CCSER1: variants seen among roughly 807,000 people sequenced by gnomAD.
CCSER1 encodes serine-rich coiled-coil domain-containing protein 1.
In CCSER1, 41 loss-of-function variants were observed where a neutral mutation model predicts 82.0. The observed-to-expected ratio is 0.50, with a 90% confidence interval of 0.39 to 0.65. The LOEUF (loss-of-function observed/expected upper bound fraction) is 0.65, where lower values mean the gene tolerates loss of function less well. CCSER1 is among the 30% of genes least tolerant of loss of function. The pLI is 0.00. For missense variants in CCSER1, 1,119 were observed against 1,064.2 expected (o/e 1.05, Z -0.72); for synonymous variants, 414 against 383.9 (o/e 1.08, Z -0.92).
chr4:91,514,827 GTCTC>G (rs1760018257), intron 10 of CCSER1, among the ~76,000 whole-genome samples: 1 of 152,146 alleles, frequency 6.6e-6, no homozygotes, highest in Non-Finnish European at 1.5e-5. Flanking sequence ...GGACGACAAA[GTCTC>G]TCAGTTAAAA....
chr4:91,337,619 A>G (rs1196470448), intron 10 of CCSER1, among the ~76,000 whole-genome samples: 1 of 151,856 alleles, frequency 6.6e-6, no homozygotes, highest in East Asian at 1.9e-4. Context: ...CCTCTTTTGG[A>G]GTATTTCTGG....
intron 10 of CCSER1, among the ~76,000 whole-genome samples, chr4:91,430,013 A>C (rs534478079): frequency 9.7e-4 from 147 of 152,142 alleles, no homozygotes; most frequent in African/African-American, 3.0e-3. Context: ...CACTTTAAAA[A>C]ATTTTTAGCT....
intron 9 of CCSER1, among the ~76,000 whole-genome samples, chr4:91,078,972 G>C (rs1722357373): frequency 6.6e-6 from 1 of 152,146 alleles, no homozygotes; most frequent in African/African-American, 2.4e-5. Context: ...TGAAAGTGAT[G>C]GGGAGAATGG....
chr4:91,152,056 C>A (rs565353498), intron 10 of CCSER1, among the ~76,000 whole-genome samples: 1 of 152,248 alleles, frequency 6.6e-6, no homozygotes, highest in South Asian at 2.1e-4. Flanking sequence ...GTTGATCTGT[C>A]TCATGTTGAC....
intron 9 of CCSER1, among the ~76,000 whole-genome samples, chr4:90,952,194 A>G (rs2150356594): frequency 6.6e-6 from 1 of 152,248 alleles, no homozygotes; most frequent in African/African-American, 2.4e-5. Context: ...ATATAAAAAG[A>G]AAATATCAAG....
At chr4:90,564,359 G>T (rs942527667) in intron 5 of CCSER1, among the ~76,000 whole-genome samples, 74 of 151,990 alleles carry the variant, frequency 4.9e-4, no homozygotes, top group Non-Finnish European at 1.8e-4. Flanking sequence ...CCAGTCCATT[G>T]TTTAAAATTG....
intron 5 of CCSER1, among the ~76,000 whole-genome samples, chr4:90,544,352 G>C (rs924072247): frequency 2.0e-5 from 3 of 152,048 alleles, no homozygotes; most frequent in Non-Finnish European, 4.4e-5. Context: ...TTATATGCGT[G>C]GTTATGACTT....
At chr4:91,294,622 G>T (rs1309088141) in intron 10 of CCSER1, among the ~76,000 whole-genome samples, 3 of 151,760 alleles carry the variant, frequency 2.0e-5, no homozygotes, top group Non-Finnish European at 4.4e-5. Context: ...AGCTCTAGAG[G>T]CTGTCAGGGG....
At chr4:91,141,240 A>G (rs1447931499) in intron 10 of CCSER1, among the ~76,000 whole-genome samples, 2 of 150,240 alleles carry the variant, frequency 1.3e-5, no homozygotes, top group African/African-American at 4.9e-5. Context: ...TGCAACCTCT[A>G]CCTCTTGAGT....
chr4:91,234,552 C>G (rs1023087044), intron 10 of CCSER1, among the ~76,000 whole-genome samples: 3 of 152,024 alleles, frequency 2.0e-5, no homozygotes, highest in African/African-American at 7.2e-5. Flanking sequence ...AAAGCATAAA[C>G]TAAATTTGAA....
intron 7 of CCSER1, among the ~76,000 whole-genome samples, chr4:90,730,568 A>G (rs757744153): frequency 4.9e-4 from 69 of 140,618 alleles, no homozygotes; most frequent in Non-Finnish European, 8.7e-4. Flanking sequence ...GACAACCAGC[A>G]AATAAATATA....
intron 6 of CCSER1, among the ~76,000 whole-genome samples, chr4:90,719,304 A>G (rs1742264989): frequency 6.6e-6 from 1 of 151,478 alleles, no homozygotes; most frequent in African/African-American, 2.4e-5. Flanking sequence ...ACATTCTCCC[A>G]TCCCTCCCAA....
At chr4:90,726,546 A>T (rs1312796699) in intron 7 of CCSER1, among the ~76,000 whole-genome samples, 1 of 151,846 alleles carries the variant, frequency 6.6e-6, no homozygotes, top group Non-Finnish European at 1.5e-5. Context: ...TCAAATGTTT[A>T]TTTTTTCCAA....
intron 10 of CCSER1, among the ~76,000 whole-genome samples, chr4:91,287,402 T>G (rs1453486591): frequency 1.3e-5 from 2 of 152,014 alleles, no homozygotes. Context: ...TTCCACACAA[T>G]GTATTTGCAT....
intron 10 of CCSER1, among the ~76,000 whole-genome samples, chr4:91,448,831 C>T (rs1046354054): frequency 1.3e-5 from 2 of 152,036 alleles, no homozygotes; most frequent in African/African-American, 4.8e-5. Context: ...CATGAAGTTA[C>T]TGCCCTTGCA....
chr4:91,497,189 T>G (rs866106109), intron 10 of CCSER1, among the ~76,000 whole-genome samples: 22 of 151,544 alleles, frequency 1.5e-4, no homozygotes, highest in African/African-American at 4.8e-4. Context: ...GGCCTTAGGT[T>G]CCTCCTATAA....
chr4:90,529,550 G>A (rs1774227584), intron 5 of CCSER1, among the ~76,000 whole-genome samples: 1 of 152,018 alleles, frequency 6.6e-6, no homozygotes, highest in Non-Finnish European at 1.5e-5. Flanking sequence ...ATCTTTTAAT[G>A]ACCTACTACT....
At chr4:91,456,228 C>T (rs1033969682) in intron 10 of CCSER1, among the ~76,000 whole-genome samples, 1 of 152,024 alleles carries the variant, frequency 6.6e-6, no homozygotes, top group Non-Finnish European at 1.5e-5. Flanking sequence ...TCTTGGGCCT[C>T]ATTTCATAAG....
chr4:90,916,206 A>G (rs1298587885), intron 8 of CCSER1, among the ~76,000 whole-genome samples: 1 of 152,168 alleles, frequency 6.6e-6, no homozygotes, highest in Non-Finnish European at 1.5e-5. Context: ...CGCATTGCCA[A>G]GTCAATCCTA....
Sources: allele counts gnomAD v4.1 joint callset (sites outside exome capture counted in the v4.1 genomes callset), GRCh38; gene constraint gnomAD v4.1.1; transcripts MANE v1.5; gene names NCBI Gene and HGNC (gene_info 2026-07-23, HGNC 2026-07-21).